Variants in PTPRC observed in about 807,000 individuals in gnomAD.
The protein encoded by PTPRC is receptor-type tyrosine-protein phosphatase C.
PTPRC carries 44 observed loss-of-function variants against 155.9 expected under a neutral mutation model. The observed-to-expected ratio is 0.28, with a 90% CI of 0.22 to 0.36. PTPRC has a LOEUF of 0.36. Ranked by LOEUF, PTPRC falls within the 10% of genes least tolerant of loss-of-function variation. The probability of loss-of-function intolerance (pLI) is 1.00; values close to 1 mark genes in which losing one functional copy is unlikely to be tolerated. For missense variants in PTPRC, 1,401 were observed against 1,564.6 expected (o/e 0.90, Z 1.76); for synonymous variants, 525 against 533.1 (o/e 0.98, Z 0.21).
chr1:198,699,407 C>A (rs573348831), intron 4 of PTPRC, among the ~76,000 whole-genome samples, 157 bp from the exon 5 acceptor site: 34 of 152,302 alleles, frequency 2.2e-4, no homozygotes, highest in African/African-American at 7.5e-4. Flanking sequence ...CACTTTCCAG[C>A]CAAGCAAATT....
intron 12 of PTPRC, among the ~76,000 whole-genome samples, chr1:198,713,802 T>C (rs1281816980): frequency 1.3e-5 from 2 of 152,146 alleles, no homozygotes; most frequent in East Asian, 3.8e-4. Flanking sequence ...TAGGTTAAAA[T>C]AGGAATGAAG....
chr1:198,730,397 T>C (rs1654332484), intron 17 of PTPRC, among the ~76,000 whole-genome samples: 1 of 152,136 alleles, frequency 6.6e-6, no homozygotes, highest in South Asian at 2.1e-4. Flanking sequence ...CTCTCCTAAC[T>C]AGAATGTAAG....
At chr1:198,680,079 C>G (rs778044954) in intron 2 of PTPRC, 1 of 446,674 alleles carries the variant, frequency 2.2e-6, no homozygotes. Flanking sequence ...GGGAGTGCCA[C>G]TAGGCAAGGC....
chr1:198,642,892 TTTTCTTTCTTTCTTCCTTTCTTTC>T (rs1402812235), intron 2 of PTPRC, among the ~76,000 whole-genome samples: 9 of 119,094 alleles, frequency 7.6e-5, no homozygotes, highest in African/African-American at 1.2e-4. Flanking sequence ...ATCTTTTTTC[TTTTCTTTCTTTCTTCCTTTCTTTC>T]TTTCTTTCTT....
chr1:198,756,460 GTGTT>G lies in PTPRC; in HGVS notation c.*283_*286del, dbSNP rs934669299. The G allele has an allele frequency of 2.0e-5, 6 of 304,788 alleles. No individual in the cohort carries two copies. The highest frequency in any genetic ancestry group is 4.3e-5 in the African/African-American group (2 of 46,004). The allele number at this position is 304,788 out of a possible 1,614,324, so 18.9% of individuals were successfully genotyped here. A position where few individuals can be genotyped will look rare whatever the true frequency, so the allele number is the denominator to read the frequency against. On this transcript the variant is annotated 3_prime_UTR_variant, in exon 33 of 33. Transcript: ENST00000442510. ...TGTATATGTATGTGTGTATGGGTGTGTGTTTGTGTGAGAGACAGAGAAAGAGAGA... is the reference window on the plus strand; with the variant it reads ...TGTATATGTATGTGTGTATGGGTGTGTGTGTGAGAGACAGAGAAAGAGAGA...
At position 198,754,252 on chromosome 1, in the gene PTPRC, TTTTC is replaced by T. The variant is rs756027408; in HGVS notation, c.3510-9_3510-6del. On this transcript the variant is annotated splice_polypyrimidine_tract_variant and intron_variant, in intron 31 of 32. Transcript: ENST00000442510. ...GTGAGAAGTAGGATTATTTTCTATC[TTTTC>T]TTTCTTTTATAGGGATGGATCTCAG... The T allele has an allele frequency of 1.9e-6, 3 of 1,600,650 alleles. No individual in the cohort carries two copies. The highest frequency in any genetic ancestry group is 1.1e-5 in the South Asian group (1 of 90,828).
At chr1:198,672,601 C>A (rs1664708170) in intron 2 of PTPRC, among the ~76,000 whole-genome samples, 8 of 151,820 alleles carry the variant, frequency 5.3e-5, no homozygotes, top group Admixed American at 5.2e-4. Flanking sequence ...TCCCAAGTAG[C>A]TGGGATTACA....
intron 27 of PTPRC, among the ~76,000 whole-genome samples, 167 bp from the exon 28 acceptor site, chr1:198,749,249 T>G (rs986382433): frequency 6.6e-6 from 1 of 151,850 alleles, no homozygotes; most frequent in African/African-American, 2.4e-5. Context: ...TTGTATAATT[T>G]GTTTATCGAC....
intron 25 of PTPRC, among the ~76,000 whole-genome samples, chr1:198,743,001 C>A (rs1357930022): frequency 6.8e-6 from 1 of 148,034 alleles, no homozygotes; most frequent in Non-Finnish European, 1.5e-5. Flanking sequence ...TATGCATATA[C>A]CCAAGAGAAG....
chr1:198,702,906 A>G (rs1666533266), intron 6 of PTPRC, among the ~76,000 whole-genome samples: 1 of 152,186 alleles, frequency 6.6e-6, no homozygotes, highest in Non-Finnish European at 1.5e-5. Context: ...TTTTTTAATT[A>G]TGTCAAAATA....
At chr1:198,712,688 T>C (rs773771584) in intron 11 of PTPRC, 25 of 431,844 alleles carry the variant, frequency 5.8e-5, no homozygotes, top group African/African-American at 8.0e-5. Flanking sequence ...ATGAATAATG[T>C]ATATGAAAGG....
chr1:198,729,328 G>A (rs573226213), intron 17 of PTPRC, among the ~76,000 whole-genome samples, 157 bp downstream of exon 17: 9 of 152,002 alleles, frequency 5.9e-5, no homozygotes, highest in Non-Finnish European at 7.4e-5. Flanking sequence ...TGCAGCCTCC[G>A]CCTCCCTGTT....
intron 11 of PTPRC, among the ~76,000 whole-genome samples, chr1:198,710,582 T>C (rs995293373): frequency 3.3e-5 from 5 of 152,238 alleles, no homozygotes; most frequent in East Asian, 1.9e-4. Context: ...ATCTTTCCAT[T>C]AATTTATGTC....
chr1:198,704,612 A>G, intron 8 of PTPRC, 114 bp downstream of exon 8: 1 of 1,588,204 alleles, frequency 6.3e-7, no homozygotes. Context: ...ACTGGCTCTA[A>G]TTTCTCACCG....
rs1666371412 is a variant in PTPRC at position 198,699,666 on chromosome 1, CAA to C, written c.404_405del (p.Lys135ThrfsTer64). 6.2e-7 allele frequency: 1 copy of C among 1,614,088 alleles called. No individual in the cohort carries two copies. ...ACATTCAGCGGCTCCGCCGCCAATG[CAA>C]AACTCAACCCTACCCCAGGCAGCAA... On this transcript the variant is annotated frameshift_variant, in exon 5 of 33. Coordinates refer to ENST00000442510, the MANE Select transcript of PTPRC (RefSeq NM_002838.5). LOFTEE classifies it high-confidence loss of function.
intron 2 of PTPRC, among the ~76,000 whole-genome samples, chr1:198,654,366 G>C (rs1051788143): frequency 6.6e-6 from 1 of 151,738 alleles, no homozygotes; most frequent in African/African-American, 2.4e-5. Context: ...TTAGCTAGTG[G>C]ATTGAAACAA....
rs753028326 is a variant in PTPRC, at chr1:198,722,490, G to A, written c.1720+14G>A. The A allele has an allele frequency of 2.1e-6, 3 of 1,402,134 alleles. No homozygotes were observed. Among genetic ancestry groups the A allele is most frequent in the South Asian group, 1.7e-5 (1 of 60,418 alleles). 86.9% of individuals were successfully genotyped at this position (1,402,134 alleles called of 1,614,324 possible). A position where few individuals can be genotyped will look rare whatever the true frequency, so the allele number is the denominator to read the frequency against. On this transcript the variant is annotated intron_variant, in intron 15 of 32. Transcript: ENST00000442510. ...ATTCAACATCTTGTAAGTTATCACT[G>A]GGCTATTTATTATATATATTAAGAT...
intron 2 of PTPRC, among the ~76,000 whole-genome samples, chr1:198,682,357 T>C (rs982440675): frequency 6.6e-6 from 1 of 152,232 alleles, no homozygotes; most frequent in Non-Finnish European, 1.5e-5. Context: ...TTTATTCTGT[T>C]TGTGAGATGG....
chr1:198,723,210 G>C (rs992506874), intron 15 of PTPRC, among the ~76,000 whole-genome samples: 3 of 151,574 alleles, frequency 2.0e-5, no homozygotes, highest in Non-Finnish European at 4.4e-5. Flanking sequence ...AGGAGACCTA[G>C]TACTCTACTT....
Sources: allele counts gnomAD v4.1 joint callset (sites outside exome capture counted in the v4.1 genomes callset), GRCh38; gene constraint gnomAD v4.1.1; transcripts MANE v1.5; gene names NCBI Gene and HGNC (gene_info 2026-07-23, HGNC 2026-07-21).